Variants in ZNF410 observed in about 807,000 individuals in gnomAD.
ZNF410 encodes the protein another partner for ARF 1.
In ZNF410, 18 loss-of-function variants were observed where a neutral mutation model predicts 54.8. That is an observed-to-expected ratio of 0.33 (90% CI 0.23 to 0.49). The LOEUF (loss-of-function observed/expected upper bound fraction) is 0.49, where lower values mean the gene tolerates loss of function less well. Among genes scored for constraint, ZNF410 ranks in the 20% least tolerant of loss-of-function variants. The pLI is 0.99. For synonymous variants in ZNF410, 191 were observed against 207.3 expected (o/e 0.92, Z 0.68); for missense variants, 405 against 569.6 (o/e 0.71, Z 2.94).
At position 73,909,441 on chromosome 14, in the gene ZNF410, C is replaced by G. The variant is rs1566659256; in HGVS notation, c.1003+11C>G. The G allele has an allele frequency of 1.9e-6, 3 of 1,607,872 alleles. No individual in the cohort carries two copies. Among genetic ancestry groups the G allele is most frequent in the Non-Finnish European group, 1.7e-6 (2 of 1,176,198 alleles). On this transcript the variant is annotated intron_variant, in intron 8 of 11. Coordinates refer to ENST00000555044, the MANE Select transcript of ZNF410 (RefSeq NM_021188.3). ...TGGTGGTTCACTCAGGTATCAGAAC[C>G]TCTGCCATTCATAGATTTTAGGAAA... is the stretch of plus-strand genomic sequence containing the variant.
At chr14:73,897,626 C>A (rs2140298671) in intron 4 of ZNF410, among the ~76,000 whole-genome samples, 1 of 152,220 alleles carries the variant, frequency 6.6e-6, no homozygotes, top group South Asian at 2.1e-4. Flanking sequence ...GCCTGCTCTT[C>A]AGTGAGAAGT....
At position 73,931,897 on chromosome 14, in the gene ZNF410, G is replaced by GACTC; in HGVS notation, c.*358_*361dup. On this transcript the variant is annotated 3_prime_UTR_variant, in exon 12 of 12. Coordinates refer to ENST00000555044, the MANE Select transcript of ZNF410 (RefSeq NM_021188.3). ...TTTCCTTTGAAGAGTTTTCATCCCA[G>GACTC]ACTCAGCTGTCTTTTCACATGGATG... 1 of 455,288 alleles carries GACTC rather than the reference G, an allele frequency of 2.2e-6. No individual in the cohort carries two copies. The highest frequency in any genetic ancestry group is 4.4e-6 in the Non-Finnish European group (1 of 226,088). The allele number at this position is 455,288 out of a possible 1,614,324, so 28.2% of individuals were successfully genotyped here.
At chr14:73,915,340 T>C (rs1481409296) in intron 8 of ZNF410, among the ~76,000 whole-genome samples, 2 of 151,420 alleles carry the variant, frequency 1.3e-5, no homozygotes, top group African/African-American at 2.4e-5. Flanking sequence ...TCTTTCATGA[T>C]TAATTTTTTT....
At chr14:73,899,294 G>C (rs2055370836) in intron 5 of ZNF410, among the ~76,000 whole-genome samples, 1 of 148,790 alleles carries the variant, frequency 6.7e-6, no homozygotes, top group South Asian at 2.1e-4. Context: ...TTTTTATGGA[G>C]AATGAGGTTT....
rs1555352253 is a variant in ZNF410 at position 73,889,450 on chromosome 14, A to AAAAG, written c.-150+2539_-150+2542dup. On this transcript the variant is annotated intron_variant, in intron 1 of 11. Coordinates refer to ENST00000555044, the MANE Select transcript of ZNF410 (RefSeq NM_021188.3). The stretch of plus-strand genomic sequence containing the variant: ...CAGTCTCAAAAAAAAAAAAAAAAAA[A>AAAAG]AAAGAAATAGGGTCTCACTGTGTTG... Among the ~76,000 whole-genome samples the AAAAG allele has an allele frequency of 2.3e-4, 34 of 146,820 alleles. 4 individuals carry two copies. Among genetic ancestry groups the AAAAG allele is most frequent in the Non-Finnish European group, 2.4e-4 (16 of 66,720 alleles).
chr14:73,910,224 A>T (rs550494890), intron 8 of ZNF410, among the ~76,000 whole-genome samples: 1 of 152,342 alleles, frequency 6.6e-6, no homozygotes, highest in South Asian at 2.1e-4. Context: ...AACTTGGCTT[A>T]CTGAAGATTT....
intron 5 of ZNF410, among the ~76,000 whole-genome samples, chr14:73,898,994 T>TA (rs2055365025): frequency 6.6e-6 from 1 of 152,246 alleles, no homozygotes; most frequent in Non-Finnish European, 1.5e-5. Context: ...AATCTTTGCT[T>TA]ATGTAGCATG....
At chr14:73,904,835 G>A (rs1399970634) in intron 6 of ZNF410, 67 bp from the exon 7 acceptor site, 1 of 1,531,994 alleles carries the variant, frequency 6.5e-7, no homozygotes, top group Non-Finnish European at 8.8e-7. Flanking sequence ...GTCAATAGGG[G>A]CTTTGACTTG....
intron 5 of ZNF410, among the ~76,000 whole-genome samples, chr14:73,899,058 A>T (rs779441561): frequency 6.6e-6 from 1 of 152,126 alleles, no homozygotes; most frequent in Non-Finnish European, 1.5e-5. Flanking sequence ...CATGTGACAC[A>T]ACTCAATACA....
intron 3 of ZNF410, among the ~76,000 whole-genome samples, chr14:73,895,613 T>C (rs974730698): frequency 1.3e-5 from 2 of 152,218 alleles, no homozygotes; most frequent in African/African-American, 4.8e-5. Flanking sequence ...ATTTTAGACA[T>C]ACAAGTATAG....
chr14:73,896,249 G>A lies in ZNF410; in HGVS notation c.170-67G>A, dbSNP rs577042728. 18 of 1,150,724 alleles carry A rather than the reference G, an allele frequency of 1.6e-5. No homozygotes were observed. The African/African-American group carries it at 2.6e-4, about 17-fold the overall frequency. 71.3% of individuals were successfully genotyped at this position (1,150,724 alleles called of 1,614,324 possible). A position where few individuals can be genotyped will look rare whatever the true frequency, so the allele number is the denominator to read the frequency against. ...TAGCTTCCAAGAGATGTTGGGTGCT[G>A]TGTATCAAAATGGTGGGCTCCTAGA... is the stretch of plus-strand genomic sequence containing the variant. On this transcript the variant is annotated intron_variant, in intron 3 of 11. Transcript: ENST00000555044.
At position 73,931,614 on chromosome 14, in the gene ZNF410, A is replaced by G; in HGVS notation, c.*73A>G. ...GCGTATACTGGGAACAGGATGCCTTAGCCCACAACAGAACCAGAATGAATC... is the reference window on the plus strand; with the variant it reads ...GCGTATACTGGGAACAGGATGCCTTGGCCCACAACAGAACCAGAATGAATC... On this transcript the variant is annotated 3_prime_UTR_variant, in exon 12 of 12. Transcript: ENST00000555044. 7.4e-7 allele frequency: 1 copy of G among 1,359,768 alleles called. No individual in the cohort carries two copies. The allele number at this position is 1,359,768 out of a possible 1,614,324, so 84.2% of individuals were successfully genotyped here. A position where few individuals can be genotyped will look rare whatever the true frequency, so the allele number is the denominator to read the frequency against.
At chr14:73,923,310 G>A (rs1716912775) in intron 10 of ZNF410, 85 bp from the exon 11 acceptor site, 1 of 1,454,610 alleles carries the variant, frequency 6.9e-7, no homozygotes. Context: ...TAGAGTTTTA[G>A]AGTTGTTAAT....
intron 7 of ZNF410, among the ~76,000 whole-genome samples, chr14:73,905,968 C>CACACACATATAT (rs1461702433): frequency 2.4e-4 from 19 of 78,942 alleles, no homozygotes; most frequent in African/African-American, 8.0e-4. Flanking sequence ...CACACACACA[C>CACACACATATAT]ATATATATAT....
chr14:73,903,852 A>G (rs1248223804), intron 5 of ZNF410, 108 bp from the exon 6 acceptor site: 1 of 1,396,978 alleles, frequency 7.2e-7, no homozygotes, highest in East Asian at 2.3e-5. Context: ...ATGAAGATAG[A>G]TACCTGATTA....
chr14:73,926,623 C>T (rs1021699031), intron 11 of ZNF410, among the ~76,000 whole-genome samples: 3 of 151,990 alleles, frequency 2.0e-5, no homozygotes, highest in African/African-American at 4.8e-5. Context: ...TTAGTAGAGA[C>T]GGGCTTTTAC....
intron 5 of ZNF410, among the ~76,000 whole-genome samples, chr14:73,903,535 G>T (rs1191420988): frequency 6.6e-6 from 1 of 151,884 alleles, no homozygotes; most frequent in Non-Finnish European, 1.5e-5. Context: ...TGTCACCCAG[G>T]CTGGAGTGCA....
Position 73,892,895 on chromosome 14 carries a change from A to G in ZNF410, c.33+687A>G, listed in dbSNP as rs1211569284. Among the ~76,000 whole-genome samples the G allele has an allele frequency of 4.6e-5, 7 of 152,206 alleles. No homozygotes were observed. The East Asian group carries it at 7.7e-4, about 17-fold the overall frequency. On this transcript the variant is annotated intron_variant, in intron 2 of 11. Coordinates refer to ENST00000555044, the MANE Select transcript of ZNF410 (RefSeq NM_021188.3). ...GGAGTTCAAGACCATCCTGCCTAAC[A>G]TGGTGAAACCCTGTCTCTACTAAAA...
chr14:73,921,090 GAGC>G lies in ZNF410; in HGVS notation c.1117_1119del (p.Gln373del). 1 of 1,614,056 alleles carries G rather than the reference GAGC, an allele frequency of 6.2e-7. No homozygotes were observed. The highest frequency in any genetic ancestry group is 8.5e-7 in the Non-Finnish European group (1 of 1,179,998). The stretch of plus-strand genomic sequence containing the variant: ...GCAGCTGGGAGCAGCTGGGAGTCAA[GAGC>G]AGGAGCAAACTGGTGAGGAGGGTGG... On this transcript the variant is annotated inframe_deletion, in exon 9 of 12. Coordinates refer to ENST00000555044, the MANE Select transcript of ZNF410 (RefSeq NM_021188.3).
Sources: gnomAD v4.1 joint callset for allele counts (sites outside exome capture counted in the v4.1 genomes callset) on GRCh38, gnomAD v4.1.1 for gene constraint, MANE v1.5 for transcripts, NCBI Gene and HGNC (gene_info 2026-07-23, HGNC 2026-07-21) for gene names.